The following SEPTIN11 variants were observed in gnomAD, a reference collection of about 807,000 sequenced individuals.
The protein encoded by SEPTIN11 is septin-11.
Under a neutral mutation model 51.4 loss-of-function variants are expected in SEPTIN11, and 25 were observed. The ratio of observed to expected loss-of-function variants is 0.49; its 90% CI spans 0.35 to 0.68. The LOEUF is 0.68. Ranked by LOEUF, SEPTIN11 falls within the 30% of genes least tolerant of loss-of-function variation. SEPTIN11 has a pLI of 0.00. For synonymous variants in SEPTIN11, 174 were observed against 184.1 expected, an observed-to-expected ratio of 0.95 and a Z score of 0.44; for missense variants, 381 against 520.8, an observed-to-expected ratio of 0.73 and a Z score of 2.61.
At chr4:77,016,623 TATATATACAC>T (rs1344525653) in intron 5 of SEPTIN11, among the ~76,000 whole-genome samples, 7 of 84,876 alleles carry the variant, frequency 8.2e-5, no homozygotes, top group African/African-American at 3.4e-4. Flanking sequence ...CACATATATA[TATATATACAC>T]ATATATATAT....
Position 77,016,629 on chromosome 4 carries a change from T to TATATAC in SEPTIN11, c.687+1613_687+1614insTATACA, listed in dbSNP as rs1327433380. On this transcript the variant is annotated intron_variant, in intron 5 of 9. Transcript: ENST00000264893. ...ATATATATACACATATATATATATATACACATATATATATATATATATATA... is the reference window on the plus strand; with the variant it reads ...ATATATATACACATATATATATATATATATACACACATATATATATATATATATATA... Among the ~76,000 whole-genome samples, 11 of 74,060 alleles carry TATATAC rather than the reference T, an allele frequency of 1.5e-4. 1 individual carries two copies. The East Asian group carries it at 1.7e-3, about 11-fold the overall frequency. 48.6% of individuals were successfully genotyped at this position (74,060 alleles called of 152,430 possible).
intron 1 of SEPTIN11, 117 bp from the exon 2 acceptor site, chr4:76,996,308 G>T (rs1723715295): frequency 1.3e-6 from 1 of 767,034 alleles, no homozygotes; most frequent in Non-Finnish European, 2.2e-6. Flanking sequence ...GCTGTGGAGG[G>T]TCTCCTTTTT....
chr4:77,013,094 A>C (rs1263056172), intron 4 of SEPTIN11, among the ~76,000 whole-genome samples: 1 of 152,168 alleles, frequency 6.6e-6, no homozygotes. Flanking sequence ...GACATTCTGA[A>C]GGAAGTAGAG....
chr4:77,002,149 A>G (rs1416797923), intron 2 of SEPTIN11, among the ~76,000 whole-genome samples: 1 of 152,214 alleles, frequency 6.6e-6, no homozygotes, highest in Non-Finnish European at 1.5e-5. Context: ...AGCAAAGCAC[A>G]CCAAAGTTTA....
rs567560732 is a variant in SEPTIN11, at chr4:77,014,892, A to G, written c.562A>G (p.Ile188Val). The change falls in exon 5 of 10, where the codon ATT (isoleucine) becomes GTT (valine). Residue 188 changes from isoleucine (I) to valine (V), a missense_variant. Ile to Val is a conservative substitution (Grantham distance 29, BLOSUM62 3). Around this residue, in one of 2 missense-constraint regions of SEPTIN11, gnomAD observed 197 missense variants for 313.1 expected, o/e 0.63. Transcript: ENST00000264893. Reference sequence around the variant, plus strand: ...TCCAATAATTGCAAAAGCTGACACCATTGCCAAGAATGAACTGCACAAATT... The same window carrying G: ...TCCAATAATTGCAAAAGCTGACACCGTTGCCAAGAATGAACTGCACAAATT... ...IIPIIAKADTIAKNELHKFKS... is the reference protein window; with the variant it reads ...IIPIIAKADTVAKNELHKFKS... 2.5e-6 allele frequency: 4 copies of G among 1,614,170 alleles called. No individual in the cohort carries two copies. Among genetic ancestry groups the G allele is most frequent in the African/African-American group, 2.7e-5 (2 of 75,042 alleles).
chr4:76,962,371 C>T lies in SEPTIN11; in HGVS notation c.27+12441C>T, dbSNP rs142032695. ...TTTTAAAAATCTCAATCTTTAAATGCCTTTTAAGATAAAATGTCCAGTTCC... is the reference window on the plus strand; with the variant it reads ...TTTTAAAAATCTCAATCTTTAAATGTCTTTTAAGATAAAATGTCCAGTTCC... On this transcript the variant is annotated intron_variant, in intron 1 of 9. Coordinates refer to ENST00000264893, the MANE Select transcript of SEPTIN11 (RefSeq NM_018243.4). Among the ~76,000 whole-genome samples, 99 of 152,332 alleles carry T rather than the reference C, an allele frequency of 6.5e-4. No individual in the cohort carries two copies. In the East Asian group the frequency reaches 0.018, roughly 27 times the overall value.
chr4:76,977,166 T>C (rs1722540227), intron 1 of SEPTIN11, among the ~76,000 whole-genome samples: 1 of 152,136 alleles, frequency 6.6e-6, no homozygotes, highest in African/African-American at 2.4e-5. Flanking sequence ...TTGAATTTTT[T>C]AAAGTTTGAT....
At chr4:77,029,075 A>C (rs758986321) in intron 8 of SEPTIN11, among the ~76,000 whole-genome samples, 1 of 152,122 alleles carries the variant, frequency 6.6e-6, no homozygotes, top group Non-Finnish European at 1.5e-5. Context: ...TCAATTTACA[A>C]GTCTTAAAAC....
intron 6 of SEPTIN11, among the ~76,000 whole-genome samples, chr4:77,019,915 C>T (rs1038481352): frequency 3.3e-5 from 5 of 152,192 alleles, no homozygotes; most frequent in Non-Finnish European, 7.4e-5. Flanking sequence ...GGCAATAAAG[C>T]TGTGAGAAGA....
intron 6 of SEPTIN11, among the ~76,000 whole-genome samples, chr4:77,020,178 C>T (rs1725596139): frequency 6.6e-6 from 1 of 152,110 alleles, no homozygotes; most frequent in Non-Finnish European, 1.5e-5. Flanking sequence ...CAAGCTCCTG[C>T]GTCTGCAAAG....
chr4:77,035,941 CCCA>C lies in SEPTIN11; in HGVS notation c.*1431_*1433del, dbSNP rs1452991795. On this transcript the variant is annotated 3_prime_UTR_variant, in exon 10 of 10. Coordinates refer to ENST00000264893, the MANE Select transcript of SEPTIN11 (RefSeq NM_018243.4). ...TAGAAAGGATAACATTTCTCATGAA[CCCA>C]CTGCCCCTCTGCATTTTCCTCACTG... The C allele has an allele frequency of 1.0e-6, 1 of 985,768 alleles. No individual in the cohort carries two copies. The highest frequency in any genetic ancestry group is 1.7e-5 in the African/African-American group (1 of 57,244). 61.1% of individuals were successfully genotyped at this position (985,768 alleles called of 1,614,324 possible). A position where few individuals can be genotyped will look rare whatever the true frequency, so the allele number is the denominator to read the frequency against.
intron 8 of SEPTIN11, 39 bp downstream of exon 8, chr4:77,028,800 G>A: frequency 1.3e-6 from 2 of 1,579,566 alleles, no homozygotes; most frequent in Non-Finnish European, 1.7e-6. Context: ...AGATTTGTAA[G>A]AGAGAGATTT....
At chr4:76,973,700 G>A (rs907213656) in intron 1 of SEPTIN11, among the ~76,000 whole-genome samples, 2 of 152,138 alleles carry the variant, frequency 1.3e-5, no homozygotes, top group African/African-American at 4.8e-5. Flanking sequence ...GTGTTAAAGC[G>A]GGTTAGAACC....
At chr4:76,996,881 A>C (rs1179129809) in intron 2 of SEPTIN11, among the ~76,000 whole-genome samples, 15 of 118,820 alleles carry the variant, frequency 1.3e-4, no homozygotes, top group Non-Finnish European at 2.3e-4. Flanking sequence ...CTCTAGCCAT[A>C]TCTTTTTTTT....
chr4:77,019,420 A>C (rs1289447548), intron 6 of SEPTIN11, among the ~76,000 whole-genome samples, 159 bp downstream of exon 6: 1 of 152,194 alleles, frequency 6.6e-6, no homozygotes. Context: ...GAGGTGAGGA[A>C]GAAAGAAAAA....
At chr4:77,020,357 G>A in intron 6 of SEPTIN11, 145 bp from the exon 7 acceptor site, 4 of 941,228 alleles carry the variant, frequency 4.2e-6, no homozygotes, top group South Asian at 1.6e-5. Context: ...GGAATGTAAG[G>A]TGAATCCAGT....
chr4:77,039,032 A>G, downstream of SEPTIN11: 1 of 1,220,462 alleles, frequency 8.2e-7, no homozygotes, highest in Non-Finnish European at 1.1e-6. Flanking sequence ...GCCATTAAGA[A>G]TCAAATTTGA....
chr4:76,991,764 T>A (rs1030115364), intron 1 of SEPTIN11, among the ~76,000 whole-genome samples: 3 of 152,240 alleles, frequency 2.0e-5, no homozygotes, highest in Non-Finnish European at 2.9e-5. Context: ...TACATTTACA[T>A]CTGTCCTAGC....
chr4:76,987,540 T>C (rs796700283), intron 1 of SEPTIN11, among the ~76,000 whole-genome samples: 24 of 152,320 alleles, frequency 1.6e-4, no homozygotes, highest in African/African-American at 5.3e-4. Flanking sequence ...TTCCAGTGTT[T>C]TCCCTTTTGC....
Sources: allele counts gnomAD v4.1 joint callset (sites outside exome capture counted in the v4.1 genomes callset), GRCh38; gene constraint gnomAD v4.1.1; regional missense constraint gnomAD v4.1.1; transcripts MANE v1.5; gene names NCBI Gene and HGNC (gene_info 2026-07-23, HGNC 2026-07-21).